Variants in LDB2 observed in about 807,000 individuals in gnomAD.
The protein encoded by LDB2 is LIM domain-binding protein 2.
In LDB2, 12 loss-of-function variants were observed where a neutral mutation model predicts 44.3. That is an observed-to-expected ratio of 0.27 (90% CI 0.17 to 0.44). The LOEUF (loss-of-function observed/expected upper bound fraction) is 0.44, where lower values mean the gene tolerates loss of function less well. Among genes scored for constraint, LDB2 ranks in the 20% least tolerant of loss-of-function variants. The pLI is 1.00. For missense variants in LDB2, 344 were observed against 473.5 expected (o/e 0.73, Z 2.54); for synonymous variants, 164 against 174.8 (o/e 0.94, Z 0.49).
At chr4:16,743,373 T>C (rs1763733830) in intron 2 of LDB2, among the ~76,000 whole-genome samples, 1 of 152,092 alleles carries the variant, frequency 6.6e-6, no homozygotes, top group Non-Finnish European at 1.5e-5. Context: ...GAATTCTGAG[T>C]GGCCTCCAAG....
At chr4:16,803,562 C>T (rs1778238195) in intron 1 of LDB2, among the ~76,000 whole-genome samples, 1 of 152,064 alleles carries the variant, frequency 6.6e-6, no homozygotes, top group South Asian at 2.1e-4. Context: ...CACCAAATTG[C>T]TAACAATTGA....
chr4:16,744,424 T>C (rs1247094444), intron 2 of LDB2, among the ~76,000 whole-genome samples: 1 of 152,082 alleles, frequency 6.6e-6, no homozygotes, highest in African/African-American at 2.4e-5. Context: ...CCCAAAGTTC[T>C]GGGATTACAG....
chr4:16,697,038 C>T (rs985178645), intron 2 of LDB2, among the ~76,000 whole-genome samples: 7 of 152,114 alleles, frequency 4.6e-5, no homozygotes, highest in African/African-American at 1.7e-4. Context: ...TCTCCACAGA[C>T]ATCAGAGTGG....
At chr4:16,626,460 G>C (rs141872554) in intron 2 of LDB2, among the ~76,000 whole-genome samples, 181 of 152,298 alleles carry the variant, frequency 1.2e-3, no homozygotes, top group Admixed American at 2.2e-3. Flanking sequence ...GGTCACGAAT[G>C]ACCAGCATAT....
At chr4:16,858,648 A>G (rs1203120077) in intron 1 of LDB2, among the ~76,000 whole-genome samples, 1 of 152,192 alleles carries the variant, frequency 6.6e-6, no homozygotes, top group Non-Finnish European at 1.5e-5. Flanking sequence ...CGCCTGAAGG[A>G]ACTCCGGGTA....
chr4:16,528,510 T>A (rs1406608212), intron 5 of LDB2, among the ~76,000 whole-genome samples: 1 of 152,100 alleles, frequency 6.6e-6, no homozygotes, highest in African/African-American at 2.4e-5. Context: ...CATTGGAGGA[T>A]TTTGAATAGA....
chr4:16,609,957 G>C (rs1398285003), intron 2 of LDB2, among the ~76,000 whole-genome samples: 2 of 152,106 alleles, frequency 1.3e-5, no homozygotes, highest in Non-Finnish European at 2.9e-5. Context: ...AATGGCATCA[G>C]GTTGGTGTCC....
intron 5 of LDB2, among the ~76,000 whole-genome samples, chr4:16,562,991 T>C (rs1742975188): frequency 6.6e-6 from 1 of 151,302 alleles, no homozygotes. Flanking sequence ...CCGCATGTTC[T>C]CACTCATAGG....
intron 1 of LDB2, among the ~76,000 whole-genome samples, chr4:16,760,463 G>A (rs1767648571): frequency 6.6e-6 from 1 of 152,084 alleles, no homozygotes; most frequent in East Asian, 1.9e-4. Flanking sequence ...ATCTCTCTTT[G>A]GCTTCCTTCC....
chr4:16,769,366 G>A (rs1003632939), intron 1 of LDB2, among the ~76,000 whole-genome samples: 27 of 151,062 alleles, frequency 1.8e-4, no homozygotes, highest in African/African-American at 2.4e-4. Context: ...GCACAGTCTC[G>A]GCTCACTGCA....
chr4:16,814,358 T>C (rs1327404631), intron 1 of LDB2, among the ~76,000 whole-genome samples: 1 of 152,152 alleles, frequency 6.6e-6, no homozygotes, highest in African/African-American at 2.4e-5. Context: ...TTGGATTCTC[T>C]CTCCTGTGAC....
chr4:16,690,388 G>A (rs1205675655), intron 2 of LDB2, among the ~76,000 whole-genome samples: 3 of 150,234 alleles, frequency 2.0e-5, no homozygotes, highest in Non-Finnish European at 3.0e-5. Flanking sequence ...CCTGAGCCCA[G>A]GAGGTTGAGA....
intron 2 of LDB2, among the ~76,000 whole-genome samples, chr4:16,631,722 A>C (rs2152495672): frequency 6.6e-6 from 1 of 152,330 alleles, no homozygotes; most frequent in South Asian, 2.1e-4. Flanking sequence ...GAGAAGAATC[A>C]AATAGATGCA....
chr4:16,628,500 C>T (rs535409377), intron 2 of LDB2, among the ~76,000 whole-genome samples: 1 of 152,158 alleles, frequency 6.6e-6, no homozygotes, highest in African/African-American at 2.4e-5. Context: ...AGAAAGGTAA[C>T]TTTTGGGAAA....
chr4:16,601,886 G>A (rs1722658488), intron 2 of LDB2, among the ~76,000 whole-genome samples: 1 of 152,066 alleles, frequency 6.6e-6, no homozygotes, highest in Admixed American at 6.6e-5. Context: ...TTTATTTATG[G>A]TAAATAACCA....
intron 1 of LDB2, among the ~76,000 whole-genome samples, chr4:16,889,732 T>C (rs1304449122): frequency 6.6e-6 from 1 of 152,154 alleles, no homozygotes; most frequent in Non-Finnish European, 1.5e-5. Flanking sequence ...GACAATCAGG[T>C]CCCTGCCCTC....
chr4:16,511,033 T>C (rs138668737), intron 6 of LDB2, among the ~76,000 whole-genome samples: 43 of 152,272 alleles, frequency 2.8e-4, no homozygotes, highest in African/African-American at 1.0e-3. Flanking sequence ...AAAATTCCCA[T>C]AAGATGGGGA....
chr4:16,645,415 T>C (rs1175377765), intron 2 of LDB2, among the ~76,000 whole-genome samples: 2 of 151,450 alleles, frequency 1.3e-5, no homozygotes, highest in Admixed American at 6.6e-5. Context: ...CGGGCGCCTG[T>C]AGTCCCAGCT....
intron 2 of LDB2, among the ~76,000 whole-genome samples, chr4:16,749,208 C>G (rs770010277): frequency 4.0e-5 from 6 of 149,658 alleles, no homozygotes; most frequent in Admixed American, 6.6e-5. Context: ...ATCTCATGGT[C>G]CAAAGCACCA....
Sources: gnomAD v4.1 joint callset for allele counts (sites outside exome capture counted in the v4.1 genomes callset) on GRCh38, gnomAD v4.1.1 for gene constraint, MANE v1.5 for transcripts, NCBI Gene and HGNC (gene_info 2026-07-23, HGNC 2026-07-21) for gene names.